GDAP1: variants seen among roughly 807,000 people sequenced by gnomAD.
GDAP1 encodes the protein ganglioside-induced differentiation-associated protein 1.
GDAP1 carries 34 observed loss-of-function variants against 40.1 expected under a neutral mutation model. The observed-to-expected ratio is 0.85, with a 90% CI of 0.64 to 1.13. GDAP1 has a LOEUF of 1.13. Among genes scored for constraint, GDAP1 ranks in the 50% most tolerant of loss-of-function variants. GDAP1 has a pLI of 0.00. For synonymous variants in GDAP1, 170 were observed against 157.4 expected, an observed-to-expected ratio of 1.08 and a Z score of -0.60; for missense variants, 374 against 433.7, an observed-to-expected ratio of 0.86 and a Z score of 1.22.
intron 2 of GDAP1, among the ~76,000 whole-genome samples, chr8:74,351,682 G>A (rs573224720): frequency 6.6e-6 from 1 of 151,586 alleles, no homozygotes; most frequent in African/African-American, 2.4e-5. Context: ...ATAATTTAAT[G>A]CAAAATACAA....
intron 2 of GDAP1, among the ~76,000 whole-genome samples, chr8:74,386,835 C>G (rs1480539677): frequency 2.6e-5 from 4 of 152,092 alleles, no homozygotes; most frequent in African/African-American, 9.7e-5. Context: ...TATTTTTCCA[C>G]TGTTTGTGTC....
chr8:74,412,177 C>G (rs1328675069), intron 2 of GDAP1, among the ~76,000 whole-genome samples: 1 of 149,952 alleles, frequency 6.7e-6, no homozygotes, highest in Non-Finnish European at 1.5e-5. Context: ...GAGAGTCAGA[C>G]TCATTGGATG....
chr8:74,450,586 T>C (rs1361690407), intron 2 of GDAP1, among the ~76,000 whole-genome samples: 1 of 151,984 alleles, frequency 6.6e-6, no homozygotes, highest in Non-Finnish European at 1.5e-5. Context: ...TCTACTTTTT[T>C]ATATTGATGT....
intron 2 of GDAP1, among the ~76,000 whole-genome samples, chr8:74,388,306 G>A (rs1036031134): frequency 6.6e-6 from 1 of 152,126 alleles, no homozygotes. Flanking sequence ...ACTATCTAAT[G>A]TGGGCGTTTA....
chr8:74,422,352 C>CTTTCCTTCCTTCCTTCCTTCCTT (rs1563465558), intron 2 of GDAP1, among the ~76,000 whole-genome samples: 1 of 34,222 alleles, frequency 2.9e-5, no homozygotes, highest in African/African-American at 1.0e-4. Flanking sequence ...TTTCTTTCTT[C>CTTTCCTTCCTTCCTTCCTTCCTT]CCTTCCTTCC....
chr8:74,360,282 C>T lies in GDAP1; in HGVS notation c.456C>T (p.Ile152=). Residue 152 remains isoleucine (I), a synonymous_variant, in exon 3 of 6, where the codon ATC becomes ATT. Coordinates refer to ENST00000220822, the MANE Select transcript of GDAP1 (RefSeq NM_018972.4). The part of the protein sequence containing the change: ...LHPELTVDSM[I]PAYATTRIRS... Reference sequence around the variant, plus strand: ...CTGAGTTAACTGTGGACTCCATGATCCCGGCTTATGCAACTACAAGGATTC... The same window carrying T: ...CTGAGTTAACTGTGGACTCCATGATTCCGGCTTATGCAACTACAAGGATTC... The T allele has an allele frequency of 6.2e-7, 1 of 1,613,944 alleles. No homozygotes were observed.
chr8:74,406,608 C>T (rs1006606548), intron 2 of GDAP1, among the ~76,000 whole-genome samples: 1 of 150,110 alleles, frequency 6.7e-6, no homozygotes, highest in Non-Finnish European at 1.5e-5. Flanking sequence ...CTTAAGAAAT[C>T]CTGCAATTAT....
intron 2 of GDAP1, among the ~76,000 whole-genome samples, chr8:74,421,152 A>G (rs1214298885): frequency 6.6e-6 from 1 of 152,160 alleles, no homozygotes; most frequent in Non-Finnish European, 1.5e-5. Context: ...TCTCATGGGG[A>G]CAGAAACATT....
At position 74,366,630 on chromosome 8, in the gene GDAP1, C is replaced by T. The variant is rs896883553; in HGVS notation, c.*2263C>T. 2 of 453,742 alleles carry T rather than the reference C, an allele frequency of 4.4e-6. No homozygotes were observed. The highest frequency in any genetic ancestry group is 4.0e-5 in the African/African-American group (2 of 49,986). 28.1% of individuals were successfully genotyped at this position (453,742 alleles called of 1,614,324 possible). A position where few individuals can be genotyped will look rare whatever the true frequency, so the allele number is the denominator to read the frequency against. On this transcript the variant is annotated 3_prime_UTR_variant, in exon 6 of 6. Coordinates refer to ENST00000220822, the MANE Select transcript of GDAP1 (RefSeq NM_018972.4). The stretch of plus-strand genomic sequence containing the variant: ...CACAATTAGAAAAATGCCTGAGGTA[C>T]TAAAGTTATGTTGGCTTTTTGTGTC...
intron 2 of GDAP1, among the ~76,000 whole-genome samples, chr8:74,472,902 C>T (rs913377286): frequency 2.0e-5 from 3 of 151,896 alleles, no homozygotes; most frequent in Admixed American, 6.6e-5. Flanking sequence ...TTCGTGCCAC[C>T]GCACCTAGCT....
chr8:74,441,072 A>G (rs776526479), intron 2 of GDAP1, among the ~76,000 whole-genome samples: 52 of 152,180 alleles, frequency 3.4e-4, no homozygotes, highest in Non-Finnish European at 6.2e-4. Context: ...CAAGTATTCT[A>G]ATAGTACTTT....
At chr8:74,442,805 C>T (rs2131573051) in intron 2 of GDAP1, among the ~76,000 whole-genome samples, 1 of 152,258 alleles carries the variant, frequency 6.6e-6, no homozygotes, top group South Asian at 2.1e-4. Flanking sequence ...CACATGGAGT[C>T]AAAGGTTCAA....
intron 2 of GDAP1, among the ~76,000 whole-genome samples, chr8:74,434,597 C>G (rs1360789162): frequency 6.6e-6 from 1 of 152,204 alleles, no homozygotes; most frequent in Non-Finnish European, 1.5e-5. Flanking sequence ...TCTCATTCTA[C>G]TTAGTCTTTA....
downstream of GDAP1, chr8:74,367,073 G>A (rs528033613): frequency 4.7e-5 from 9 of 191,888 alleles, no homozygotes; most frequent in East Asian, 1.4e-4. Context: ...AATGAATAGC[G>A]GCCTAAAGAA....
At chr8:74,406,500 A>G (rs1479595978) in intron 2 of GDAP1, among the ~76,000 whole-genome samples, 1 of 150,278 alleles carries the variant, frequency 6.7e-6, no homozygotes, top group African/African-American at 2.5e-5. Flanking sequence ...GCCTGGATGA[A>G]CAGCTCCATT....
At position 74,473,083 on chromosome 8, in the gene GDAP1, A is replaced by AT. The variant is rs34633437; in HGVS notation, c.166-15581dup. Among the ~76,000 whole-genome samples the AT allele has an allele frequency of 5.8e-3, 856 of 148,236 alleles. 3 individuals carry two copies. Among genetic ancestry groups the AT allele is most frequent in the East Asian group, 0.027 (138 of 5,084 alleles). On this transcript the variant is annotated intron_variant, in intron 2 of 2. Transcript: ENST00000523640. ...TTTCCTATGCTTGTTGGCTGCATGT[A>AT]TTTTTTTTTTTTTTGAAAAGTGCCT...
chr8:74,423,701 GTTC>G (rs899368035), intron 2 of GDAP1, among the ~76,000 whole-genome samples: 8 of 152,154 alleles, frequency 5.3e-5, no homozygotes, highest in East Asian at 3.9e-4. Context: ...CCGTGGTTAA[GTTC>G]TTCTTCCTTC....
chr8:74,376,752 T>C (rs909923766), intron 2 of GDAP1: 1 of 152,292 alleles, frequency 6.6e-6, no homozygotes, highest in African/African-American at 2.4e-5. Context: ...TTTTTTTGTT[T>C]GTTTCTTCTC....
chr8:74,395,114 G>T (rs967102961), intron 2 of GDAP1, among the ~76,000 whole-genome samples: 3 of 152,120 alleles, frequency 2.0e-5, no homozygotes, highest in Non-Finnish European at 2.9e-5. Context: ...CCCAAACAAT[G>T]AATGTTAAAT....
Sources: allele counts gnomAD v4.1 joint callset (sites outside exome capture counted in the v4.1 genomes callset), GRCh38; gene constraint gnomAD v4.1.1; transcripts MANE v1.5; gene names NCBI Gene and HGNC (gene_info 2026-07-23, HGNC 2026-07-21).